Variants in SLC24A3 observed in about 807,000 individuals in gnomAD.
SLC24A3 encodes the protein solute carrier family 24 member 3.
Under a neutral mutation model 75.8 loss-of-function variants are expected in SLC24A3, and 28 were observed. That is an observed-to-expected ratio of 0.37 (90% CI 0.27 to 0.51). The LOEUF is 0.51. Among genes scored for constraint, SLC24A3 ranks in the 20% least tolerant of loss-of-function variants. The pLI is 0.94. For synonymous variants in SLC24A3, 372 were observed against 334.1 expected, an observed-to-expected ratio of 1.11 and a Z score of -1.24; for missense variants, 663 against 847.8, an observed-to-expected ratio of 0.78 and a Z score of 2.71.
At chr20:19,650,666 C>A (rs1260725548) in intron 6 of SLC24A3, among the ~76,000 whole-genome samples, 1 of 152,108 alleles carries the variant, frequency 6.6e-6, no homozygotes, top group Non-Finnish European at 1.5e-5. Context: ...CAGCCCCCAT[C>A]TTCCCCTAAA....
At chr20:19,306,758 C>T (rs1984342603) in intron 2 of SLC24A3, among the ~76,000 whole-genome samples, 1 of 152,160 alleles carries the variant, frequency 6.6e-6, no homozygotes, top group Non-Finnish European at 1.5e-5. Context: ...TTACTCTATT[C>T]ACTACCTGGG....
At chr20:19,643,597 T>TG (rs2032100121) in intron 6 of SLC24A3, among the ~76,000 whole-genome samples, 1 of 152,236 alleles carries the variant, frequency 6.6e-6, no homozygotes, top group African/African-American at 2.4e-5. Flanking sequence ...TATCAGCTTC[T>TG]GCATTCTGAT....
chr20:19,455,404 C>T (rs965900619), intron 2 of SLC24A3, among the ~76,000 whole-genome samples: 1 of 152,264 alleles, frequency 6.6e-6, no homozygotes, highest in African/African-American at 2.4e-5. Context: ...GTGCCCTTCC[C>T]ATGTTGCCTC....
intron 15 of SLC24A3, among the ~76,000 whole-genome samples, chr20:19,708,657 G>A (rs1172135390): frequency 3.9e-5 from 6 of 152,210 alleles, no homozygotes; most frequent in African/African-American, 9.6e-5. Flanking sequence ...AAACAGGACC[G>A]TGTCAGAAGA....
chr20:19,667,513 G>T (rs1261556072), intron 8 of SLC24A3, among the ~76,000 whole-genome samples: 4 of 152,212 alleles, frequency 2.6e-5, no homozygotes, highest in African/African-American at 9.6e-5. Context: ...CTTCAACGTT[G>T]CTCAGTGGTG....
intron 2 of SLC24A3, among the ~76,000 whole-genome samples, chr20:19,505,660 C>T (rs1988451837): frequency 6.6e-6 from 1 of 152,044 alleles, no homozygotes; most frequent in Non-Finnish European, 1.5e-5. Context: ...TAGAACACAC[C>T]TCAGCGTTAT....
At chr20:19,659,824 C>T (rs1479789486) in intron 7 of SLC24A3, among the ~76,000 whole-genome samples, 6 of 152,224 alleles carry the variant, frequency 3.9e-5, no homozygotes. Flanking sequence ...ACCGCCCACT[C>T]CCCCTGTTAG....
intron 2 of SLC24A3, among the ~76,000 whole-genome samples, chr20:19,498,740 C>G (rs1988336326): frequency 6.6e-6 from 1 of 152,152 alleles, no homozygotes; most frequent in Admixed American, 6.5e-5. Context: ...CTTCCAGAAT[C>G]TTGTCCTCCC....
At position 19,721,148 on chromosome 20, in the gene SLC24A3, G is replaced by C. The variant is rs1378800343; in HGVS notation, c.*8G>C. The stretch of plus-strand genomic sequence containing the variant: ...ATGTGCGGGGACCACTGAGCCGCCG[G>C]GTGCCCACAGAGGCTCAGCTCCTTC... On this transcript the variant is annotated 3_prime_UTR_variant, in exon 17 of 17. Transcript: ENST00000328041. 5.6e-6 allele frequency: 9 copies of C among 1,613,806 alleles called. No individual in the cohort carries two copies. The East Asian group carries it at 1.8e-4, about 32-fold the overall frequency.
At chr20:19,238,452 A>G (rs374486900) in intron 1 of SLC24A3, among the ~76,000 whole-genome samples, 14 of 152,164 alleles carry the variant, frequency 9.2e-5, no homozygotes, top group African/African-American at 2.9e-4. Flanking sequence ...CATCACTTGC[A>G]TGTATTTTGA....
intron 1 of SLC24A3, among the ~76,000 whole-genome samples, chr20:19,255,540 G>T (rs1019040014): frequency 1.3e-5 from 2 of 152,248 alleles, no homozygotes; most frequent in Non-Finnish European, 2.9e-5. Context: ...GCCACTGGAT[G>T]GTCCCAGGAA....
In SLC24A3 at chr20:19,654,052, T is replaced by C. The variant is rs1269281797; in HGVS notation, c.613-10T>C. On this transcript the variant is annotated splice_polypyrimidine_tract_variant and intron_variant, in intron 6 of 16. Transcript: ENST00000328041. ...ATATCCTGTTTGACTTTGTTTCCCT[T>C]GTCCTGCAGGTTGTGGCTCTTTCCT... 1 of 1,608,860 alleles carries C rather than the reference T, an allele frequency of 6.2e-7. No homozygotes were observed. The highest frequency in any genetic ancestry group is 1.3e-5 in the African/African-American group (1 of 74,782).
chr20:19,393,599 T>C (rs1366106886), intron 2 of SLC24A3, among the ~76,000 whole-genome samples: 1 of 152,140 alleles, frequency 6.6e-6, no homozygotes, highest in Non-Finnish European at 1.5e-5. Flanking sequence ...AACAATTTTA[T>C]TTATAACATT....
chr20:19,484,445 T>A (rs6035355), intron 2 of SLC24A3, among the ~76,000 whole-genome samples: 39,291 of 152,138 alleles, frequency 0.26, 5,592 homozygotes, highest in East Asian at 0.5. Context: ...GCATTTCAGA[T>A]TTCAGATTTT....
intron 2 of SLC24A3, among the ~76,000 whole-genome samples, chr20:19,480,849 C>T (rs903136677): frequency 6.6e-6 from 1 of 152,156 alleles, no homozygotes; most frequent in Non-Finnish European, 1.5e-5. Flanking sequence ...TTTTATTGTC[C>T]TCCTGAAAGG....
At chr20:19,593,446 T>A (rs934155569) in intron 6 of SLC24A3, among the ~76,000 whole-genome samples, 3 of 152,200 alleles carry the variant, frequency 2.0e-5, no homozygotes, top group Non-Finnish European at 4.4e-5. Context: ...TATTTATGCT[T>A]CCCTTTAACA....
intron 1 of SLC24A3, among the ~76,000 whole-genome samples, chr20:19,236,329 G>A (rs893778849): frequency 6.6e-6 from 1 of 152,214 alleles, no homozygotes; most frequent in African/African-American, 2.4e-5. Context: ...AATTCCACAA[G>A]ACAGCTCAGG....
intron 6 of SLC24A3, among the ~76,000 whole-genome samples, chr20:19,598,128 T>C (rs1210827460): frequency 6.6e-6 from 1 of 152,194 alleles, no homozygotes; most frequent in East Asian, 1.9e-4. Context: ...TTTGGGATTT[T>C]TTTAATATGA....
chr20:19,237,350 C>T (rs892201746), intron 1 of SLC24A3, among the ~76,000 whole-genome samples: 1 of 152,128 alleles, frequency 6.6e-6, no homozygotes, highest in Non-Finnish European at 1.5e-5. Context: ...TCCCCTGCCT[C>T]AGCTGCCCAT....
Sources: gnomAD v4.1 joint callset for allele counts (sites outside exome capture counted in the v4.1 genomes callset) on GRCh38, gnomAD v4.1.1 for gene constraint, MANE v1.5 for transcripts, NCBI Gene and HGNC (gene_info 2026-07-23, HGNC 2026-07-21) for gene names.